TMEM178B: variants seen among roughly 807,000 people sequenced by gnomAD.
TMEM178B encodes transmembrane protein 178B.
A neutral mutation model predicts 31.0 loss-of-function variants in TMEM178B; 5 were observed. That is an observed-to-expected ratio of 0.16 (90% CI 0.08 to 0.34). The LOEUF is 0.34. Ranked by LOEUF, TMEM178B falls within the 10% of genes least tolerant of loss-of-function variation. TMEM178B has a pLI of 1.00. For synonymous variants in TMEM178B, 164 were observed against 164.0 expected (o/e 1.00, Z 0.00); for missense variants, 275 against 400.3 (o/e 0.69, Z 2.67).
rs376875981 is a variant in TMEM178B, at chr7:141,370,465, A to G, written c.497-67143A>G. Among the ~76,000 whole-genome samples, 6 of 152,330 alleles carry G rather than the reference A, an allele frequency of 3.9e-5. No individual in the cohort carries two copies. In the South Asian group the frequency reaches 1.2e-3, roughly 32 times the overall value. ...CTTCAAAGAGCTTTTAATCCAGCAA[A>G]AGAGACTAATATATGCAACACGTTG... On this transcript the variant is annotated intron_variant, in intron 2 of 3. Coordinates refer to ENST00000565468, the MANE Select transcript of TMEM178B (RefSeq NM_001195278.2).
chr7:141,115,111 T>C (rs551034586), intron 1 of TMEM178B, among the ~76,000 whole-genome samples: 2 of 152,194 alleles, frequency 1.3e-5, no homozygotes, highest in South Asian at 2.1e-4. Flanking sequence ...GGCGTGATCT[T>C]GGCTCACTGC....
chr7:141,298,049 T>C (rs551309361), intron 2 of TMEM178B, among the ~76,000 whole-genome samples: 15 of 152,314 alleles, frequency 9.8e-5, no homozygotes, highest in Non-Finnish European at 2.2e-4. Context: ...GATCACCATT[T>C]TAACTGGTGT....
At chr7:141,169,200 C>T (rs1796307450) in intron 1 of TMEM178B, among the ~76,000 whole-genome samples, 1 of 152,154 alleles carries the variant, frequency 6.6e-6, no homozygotes, top group African/African-American at 2.4e-5. Context: ...CTCCTTTCAC[C>T]CTCCACCATC....
intron 3 of TMEM178B, among the ~76,000 whole-genome samples, chr7:141,442,556 T>C (rs554867036): frequency 6.9e-4 from 105 of 152,232 alleles, no homozygotes; most frequent in Admixed American, 1.1e-3. Flanking sequence ...TAAAGTCGGG[T>C]CACTCCTACC....
At chr7:141,214,762 G>T (rs1240312318) in intron 2 of TMEM178B, among the ~76,000 whole-genome samples, 1 of 152,052 alleles carries the variant, frequency 6.6e-6, no homozygotes, top group Non-Finnish European at 1.5e-5. Context: ...AAACTGTAGT[G>T]CTGTAGGGTT....
At chr7:141,394,640 C>G (rs1024883305) in intron 2 of TMEM178B, among the ~76,000 whole-genome samples, 3 of 152,148 alleles carry the variant, frequency 2.0e-5, no homozygotes, top group African/African-American at 7.2e-5. Context: ...TATCTCCGAC[C>G]CAGGGATACA....
the TMEM178B span, among the ~76,000 whole-genome samples, chr7:141,491,468 T>C: frequency 6.6e-6 from 1 of 152,260 alleles, no homozygotes; most frequent in Non-Finnish European, 1.5e-5. Context: ...AAACTTCTTA[T>C]TTTGTTAAAG....
chr7:141,077,841 A>G (rs1794622947), intron 1 of TMEM178B, among the ~76,000 whole-genome samples: 2 of 152,262 alleles, frequency 1.3e-5, no homozygotes, highest in Admixed American at 6.5e-5. Context: ...CCAGGTCAAT[A>G]TTGCAACAAA....
chr7:141,275,655 A>G (rs1586864594), intron 2 of TMEM178B, among the ~76,000 whole-genome samples: 1 of 152,184 alleles, frequency 6.6e-6, no homozygotes, highest in Non-Finnish European at 1.5e-5. Flanking sequence ...CCTTGCTCAT[A>G]ATGTAAATAG....
chr7:141,178,671 A>G (rs960255179), intron 1 of TMEM178B, among the ~76,000 whole-genome samples: 1 of 152,174 alleles, frequency 6.6e-6, no homozygotes, highest in Non-Finnish European at 1.5e-5. Flanking sequence ...CTGTAATGCA[A>G]TTATGTGCTC....
chr7:141,373,554 G>A (rs1800155758), intron 2 of TMEM178B, among the ~76,000 whole-genome samples: 1 of 152,212 alleles, frequency 6.6e-6, no homozygotes, highest in African/African-American at 2.4e-5. Context: ...TGCAGCCAAG[G>A]CCTTTGCCAA....
At chr7:141,124,832 A>G (rs1184951733) in intron 1 of TMEM178B, among the ~76,000 whole-genome samples, 3 of 152,352 alleles carry the variant, frequency 2.0e-5, no homozygotes, top group Middle Eastern at 3.4e-3. Flanking sequence ...AACCTTTCAG[A>G]AAAAGATTAC....
At chr7:141,490,072 A>T in the TMEM178B span, among the ~76,000 whole-genome samples, 1 of 152,108 alleles carries the variant, frequency 6.6e-6, no homozygotes, top group African/African-American at 2.4e-5. Flanking sequence ...CTTAGTGAGG[A>T]GGGGCTCCTA....
chr7:141,435,004 T>C (rs1586958202), intron 2 of TMEM178B, among the ~76,000 whole-genome samples: 1 of 152,230 alleles, frequency 6.6e-6, no homozygotes, highest in East Asian at 1.9e-4. Context: ...TATTCATTCA[T>C]TGAAAGACAC....
At chr7:141,400,358 C>T (rs965853733) in intron 2 of TMEM178B, among the ~76,000 whole-genome samples, 3 of 152,156 alleles carry the variant, frequency 2.0e-5, no homozygotes, top group Non-Finnish European at 4.4e-5. Flanking sequence ...ATGCTCTTGC[C>T]CCTGGCTTAT....
chr7:141,324,416 GTTTTTT>G (rs56316531), intron 2 of TMEM178B, among the ~76,000 whole-genome samples: 6 of 85,738 alleles, frequency 7.0e-5, no homozygotes, highest in African/African-American at 2.4e-4. Flanking sequence ...GGAGACCAGG[GTTTTTT>G]TTTTTTTTTT....
intron 2 of TMEM178B, among the ~76,000 whole-genome samples, chr7:141,330,119 T>A (rs1799272982): frequency 6.6e-6 from 1 of 152,168 alleles, no homozygotes; most frequent in African/African-American, 2.4e-5. Flanking sequence ...TTTAATTATT[T>A]AATTTGATAT....
chr7:141,257,106 A>G (rs1004242441), intron 2 of TMEM178B, among the ~76,000 whole-genome samples: 1 of 152,190 alleles, frequency 6.6e-6, no homozygotes, highest in Admixed American at 6.5e-5. Context: ...AAGAAAGGAG[A>G]CTAAAAAGGA....
chr7:141,103,714 A>G (rs1795095714), intron 1 of TMEM178B, among the ~76,000 whole-genome samples: 2 of 152,176 alleles, frequency 1.3e-5, no homozygotes, highest in Non-Finnish European at 2.9e-5. Context: ...AGAAACCTGA[A>G]TTTGTACAAT....
Sources: allele counts gnomAD v4.1 joint callset (sites outside exome capture counted in the v4.1 genomes callset), GRCh38; gene constraint gnomAD v4.1.1; transcripts MANE v1.5; gene names NCBI Gene and HGNC (gene_info 2026-07-23, HGNC 2026-07-21).